Variants in CRISPLD2 observed in about 807,000 individuals in gnomAD.
CRISPLD2 encodes cysteine rich secretory protein LCCL domain containing 2.
A neutral mutation model predicts 71.1 loss-of-function variants in CRISPLD2; 47 were observed. The observed-to-expected ratio is 0.66, with a 90% CI of 0.52 to 0.84. CRISPLD2 has a LOEUF of 0.84. CRISPLD2 is among the 40% of genes least tolerant of loss of function. The pLI is 0.00. For missense variants in CRISPLD2, 830 were observed against 651.1 expected, an observed-to-expected ratio of 1.27 and a Z score of -2.99; for synonymous variants, 317 against 250.1, an observed-to-expected ratio of 1.27 and a Z score of -2.52.
At chr16:84,883,949 T>C (rs2143327808) in intron 13 of CRISPLD2, among the ~76,000 whole-genome samples, 1 of 150,958 alleles carries the variant, frequency 6.6e-6, no homozygotes, top group East Asian at 2.0e-4. Flanking sequence ...GTTCAAGCAA[T>C]TCTCCTGTCC....
At chr16:84,895,488 A>G (rs141990189) in intron 14 of CRISPLD2, among the ~76,000 whole-genome samples, 1 of 152,356 alleles carries the variant, frequency 6.6e-6, no homozygotes, top group African/African-American at 2.4e-5. Context: ...TGTTAACCTC[A>G]GTTAACTGCT....
chr16:84,873,404 C>T (rs1026445475), intron 10 of CRISPLD2: 13 of 206,720 alleles, frequency 6.3e-5, no homozygotes, highest in African/African-American at 2.9e-4. Context: ...CGCTTGAGGC[C>T]GAGGCAGAGG....
At chr16:84,893,742 G>A (rs967965058) in intron 14 of CRISPLD2, among the ~76,000 whole-genome samples, 1 of 152,218 alleles carries the variant, frequency 6.6e-6, no homozygotes, top group Admixed American at 6.5e-5. Context: ...ACACCTGGGT[G>A]TGGCCATGCC....
chr16:84,875,477 T>C (rs1269587401), intron 11 of CRISPLD2, among the ~76,000 whole-genome samples: 1 of 150,552 alleles, frequency 6.6e-6, no homozygotes, highest in Non-Finnish European at 1.5e-5. Context: ...ATATTTTATC[T>C]GTAGCCCAAG....
intron 13 of CRISPLD2, among the ~76,000 whole-genome samples, chr16:84,882,284 A>T (rs927567406): frequency 6.0e-5 from 9 of 150,742 alleles, no homozygotes; most frequent in African/African-American, 2.2e-4. Flanking sequence ...CAGAAGATAC[A>T]ATTTACAGGA....
intron 6 of CRISPLD2, among the ~76,000 whole-genome samples, chr16:84,861,267 A>C (rs1288699291): frequency 6.6e-6 from 1 of 151,886 alleles, no homozygotes; most frequent in Admixed American, 6.6e-5. Flanking sequence ...CTCTAGAACC[A>C]CTCCTGGTAC....
chr16:84,884,055 G>A (rs1468178694), intron 13 of CRISPLD2, among the ~76,000 whole-genome samples: 3 of 152,212 alleles, frequency 2.0e-5, no homozygotes, highest in East Asian at 1.9e-4. Flanking sequence ...ATGTTGGCCA[G>A]GTTGGTCTCG....
At chr16:84,886,896 G>T (rs774997035) in intron 13 of CRISPLD2, among the ~76,000 whole-genome samples, 4 of 152,132 alleles carry the variant, frequency 2.6e-5, no homozygotes, top group Admixed American at 6.6e-5. Flanking sequence ...GCATATTCAC[G>T]TTGTAATGGG....
intron 5 of CRISPLD2, among the ~76,000 whole-genome samples, chr16:84,851,624 C>T (rs1026130367): frequency 5.3e-5 from 8 of 152,164 alleles, no homozygotes; most frequent in African/African-American, 1.7e-4. Flanking sequence ...TGGCGTGGCG[C>T]GGCTCAGCAG....
intron 14 of CRISPLD2, among the ~76,000 whole-genome samples, chr16:84,896,114 C>CTGCAACCT (rs1451987537): frequency 2.0e-5 from 3 of 151,702 alleles, no homozygotes; most frequent in African/African-American, 7.3e-5. Context: ...TCTCCACTCA[C>CTGCAACCT]TGCAACCTCT....
chr16:84,872,438 T>G lies in CRISPLD2; in HGVS notation c.915-4T>G. ...TGAACATCATTTTATTTCTTCCTCGTCAGGTACCAGTGCCCAGCAGGCTGC... is the reference window on the plus strand; with the variant it reads ...TGAACATCATTTTATTTCTTCCTCGGCAGGTACCAGTGCCCAGCAGGCTGC... On this transcript the variant is annotated splice_polypyrimidine_tract_variant and splice_region_variant and intron_variant, in intron 8 of 14. Transcript: ENST00000262424. The G allele has an allele frequency of 6.2e-7, 1 of 1,613,248 alleles. No homozygotes were observed. Among genetic ancestry groups the G allele is most frequent in the Non-Finnish European group, 8.5e-7 (1 of 1,179,300 alleles).
At chr16:84,889,444 T>C (rs780553997) in intron 14 of CRISPLD2, 81 bp downstream of exon 14, 38 of 1,406,262 alleles carry the variant, frequency 2.7e-5, no homozygotes, top group African/African-American at 7.3e-5. Flanking sequence ...AGGCCCAGAG[T>C]CATTACCCTT....
chr16:84,888,977 CA>C (rs1219762209), intron 13 of CRISPLD2, among the ~76,000 whole-genome samples: 1 of 152,244 alleles, frequency 6.6e-6, no homozygotes, highest in Non-Finnish European at 1.5e-5. Context: ...TGAATTCCCC[CA>C]GTTCCTAATT....
chr16:84,893,978 C>T (rs1161806033), intron 14 of CRISPLD2, among the ~76,000 whole-genome samples: 1 of 152,228 alleles, frequency 6.6e-6, no homozygotes, highest in African/African-American at 2.4e-5. Context: ...TCACAGCAAA[C>T]TGTACTTTAA....
At chr16:84,860,474 C>A (rs1003106465) in intron 6 of CRISPLD2, among the ~76,000 whole-genome samples, 3 of 152,144 alleles carry the variant, frequency 2.0e-5, no homozygotes, top group Non-Finnish European at 4.4e-5. Context: ...TAGAAGCAAA[C>A]AGGGATGTTG....
intron 6 of CRISPLD2, among the ~76,000 whole-genome samples, chr16:84,857,980 A>G (rs1404446102): frequency 6.6e-6 from 1 of 152,214 alleles, no homozygotes; most frequent in Non-Finnish European, 1.5e-5. Flanking sequence ...TTCAGGTCAC[A>G]TGGTGACTTG....
rs2071833745 is a variant in CRISPLD2, at chr16:84,909,500, T to G, written c.*2858T>G. ...CTGAACAATTTGTGAAATAAAACAT[T>G]GAAAACCATCTTTCAGGCTCTGGAC... On this transcript the variant is annotated 3_prime_UTR_variant, in exon 15 of 15. Coordinates refer to ENST00000262424, the MANE Select transcript of CRISPLD2 (RefSeq NM_031476.4). 1 of 152,644 alleles carries G rather than the reference T, an allele frequency of 6.6e-6. No homozygotes were observed. The highest frequency in any genetic ancestry group is 1.5e-5 in the Non-Finnish European group (1 of 68,048). 9.5% of individuals were successfully genotyped at this position (152,644 alleles called of 1,614,324 possible). A position where few individuals can be genotyped will look rare whatever the true frequency, so the allele number is the denominator to read the frequency against.
rs553116320 is a variant in CRISPLD2, at chr16:84,823,704, G to A, written c.-75+3571G>A. ...CTGCGAGGACATCATGGTCCAGCCC[G>A]AGGGAGATTTATCTTTGATTGTCTT... is the stretch of plus-strand genomic sequence containing the variant. On this transcript the variant is annotated intron_variant, in intron 1 of 14. Coordinates refer to ENST00000262424, the MANE Select transcript of CRISPLD2 (RefSeq NM_031476.4). Among the ~76,000 whole-genome samples, 5 of 152,320 alleles carry A rather than the reference G, an allele frequency of 3.3e-5. No individual in the cohort carries two copies. In the East Asian group the frequency reaches 5.8e-4, roughly 18 times the overall value.
Position 84,845,943 on chromosome 16 carries a change from C to G in CRISPLD2, c.359+39C>G, listed in dbSNP as rs377582502. The G allele has an allele frequency of 4.4e-6, 6 of 1,378,280 alleles. No individual in the cohort carries two copies. In the African/African-American group the frequency reaches 8.5e-5, roughly 20 times the overall value. 85.4% of individuals were successfully genotyped at this position (1,378,280 alleles called of 1,614,324 possible). ...GTTCCTCTCCGGCTGCCGCAGGACC[C>G]CACTGCCGTGTGCCGGGCTCAGCAC... On this transcript the variant is annotated intron_variant, in intron 3 of 14. Coordinates refer to ENST00000262424, the MANE Select transcript of CRISPLD2 (RefSeq NM_031476.4).
Sources: gnomAD v4.1 joint callset for allele counts (sites outside exome capture counted in the v4.1 genomes callset) on GRCh38, gnomAD v4.1.1 for gene constraint, MANE v1.5 for transcripts, NCBI Gene and HGNC (gene_info 2026-07-23, HGNC 2026-07-21) for gene names.